Variants in ATP2B2 observed in about 807,000 individuals in gnomAD.
ATP2B2 encodes the protein plasma membrane calcium-transporting ATPase 2.
A neutral mutation model predicts 120.0 loss-of-function variants in ATP2B2; 15 were observed. The observed-to-expected ratio is 0.12, with a 90% CI of 0.08 to 0.19. The LOEUF is 0.19. ATP2B2 is among the 10% of genes least tolerant of loss of function. The probability of loss-of-function intolerance (pLI) is 1.00; values close to 1 mark genes in which losing one functional copy is unlikely to be tolerated. For missense variants in ATP2B2, 1,045 were observed against 1,719.8 expected (o/e 0.61, Z 6.94); for synonymous variants, 694 against 700.3 (o/e 0.99, Z 0.14).
At chr3:10,702,746 C>G (rs1194752511) in intron 1 of ATP2B2, among the ~76,000 whole-genome samples, 1 of 152,184 alleles carries the variant, frequency 6.6e-6, no homozygotes, top group African/African-American at 2.4e-5. Context: ...TCCCCAGAAT[C>G]CTGCCTAGAT....
chr3:10,410,913 C>A, intron 2 of ATP2B2, 98 bp from the exon 3 acceptor site: 1 of 1,442,728 alleles, frequency 6.9e-7, no homozygotes, highest in Non-Finnish European at 9.6e-7. Flanking sequence ...GAGCAAGAAA[C>A]TTGCTGGTGG....
chr3:10,403,234 G>T (rs576197773), intron 3 of ATP2B2, among the ~76,000 whole-genome samples: 13 of 152,208 alleles, frequency 8.5e-5, no homozygotes, highest in Non-Finnish European at 1.6e-4. Context: ...CTCTAACTCC[G>T]TCCTTGTCAG....
chr3:10,388,744 G>C (rs942654046), intron 5 of ATP2B2, among the ~76,000 whole-genome samples: 1 of 152,002 alleles, frequency 6.6e-6, no homozygotes, highest in Non-Finnish European at 1.5e-5. Flanking sequence ...CAAACTCCAG[G>C]AGTGTTATCA....
At chr3:10,401,182 C>T in intron 4 of ATP2B2, 104 bp from the exon 5 acceptor site, 1 of 1,476,192 alleles carries the variant, frequency 6.8e-7, no homozygotes, top group Non-Finnish European at 9.2e-7. Flanking sequence ...CCATCAGGGA[C>T]AGAATGCCTA....
intron 2 of ATP2B2, among the ~76,000 whole-genome samples, chr3:10,578,129 A>G (rs1218713114): frequency 6.6e-6 from 1 of 152,130 alleles, no homozygotes. Context: ...TCACACACCT[A>G]CCATAGTGGC....
At chr3:10,458,097 A>G (rs556988458) in intron 1 of ATP2B2, among the ~76,000 whole-genome samples, 2 of 151,816 alleles carry the variant, frequency 1.3e-5, no homozygotes, top group African/African-American at 4.9e-5. Flanking sequence ...CCGTTCGTCC[A>G]TCCTTCCATC....
intron 1 of ATP2B2, among the ~76,000 whole-genome samples, chr3:10,694,428 T>A (rs1191946212): frequency 6.6e-6 from 1 of 152,268 alleles, no homozygotes; most frequent in Non-Finnish European, 1.5e-5. Context: ...ATGTAACTTT[T>A]TAGGACTGGC....
At chr3:10,638,958 A>G (rs1252935329) in intron 1 of ATP2B2, among the ~76,000 whole-genome samples, 2 of 152,246 alleles carry the variant, frequency 1.3e-5, no homozygotes, top group East Asian at 3.8e-4. Context: ...TGCATGACGC[A>G]AATATTGATG....
chr3:10,451,974 C>G (rs1156784642), intron 1 of ATP2B2, among the ~76,000 whole-genome samples: 2 of 152,210 alleles, frequency 1.3e-5, no homozygotes, highest in Non-Finnish European at 2.9e-5. Flanking sequence ...AAGGGTTGAC[C>G]AGAAAAGCAC....
intron 17 of ATP2B2, among the ~76,000 whole-genome samples, chr3:10,345,811 T>A (rs2060414154): frequency 6.6e-6 from 1 of 152,118 alleles, no homozygotes; most frequent in South Asian, 2.1e-4. Context: ...CTCCTCAGCC[T>A]GCAAGTGCCC....
At chr3:10,432,853 A>AG (rs1201392841) in intron 2 of ATP2B2, among the ~76,000 whole-genome samples, 1 of 151,862 alleles carries the variant, frequency 6.6e-6, no homozygotes, top group African/African-American at 2.4e-5. Flanking sequence ...GGCGGTGGAG[A>AG]GGTTGCTGTT....
intron 1 of ATP2B2, among the ~76,000 whole-genome samples, chr3:10,466,075 C>T (rs991571394): frequency 6.6e-6 from 1 of 152,236 alleles, no homozygotes; most frequent in South Asian, 2.1e-4. Context: ...AAGCCCTTTA[C>T]AGCATCTCTG....
rs767788978 is a variant in ATP2B2, at chr3:10,328,772, C to A, written c.*42G>T. 16 of 1,556,634 alleles carry A rather than the reference C, an allele frequency of 1.0e-5. No homozygotes were observed. The highest frequency in any genetic ancestry group is 1.8e-5 in the Admixed American group (1 of 56,084). On this transcript the variant is annotated 3_prime_UTR_variant, in exon 23 of 23. Coordinates refer to ENST00000360273, the MANE Select transcript of ATP2B2 (RefSeq NM_001001331.4). ...TGGGTGCCCGGAAAGCGGGTGGCAG[C>A]GGGGTCCATGAGGGCGGGCGGGCAG...
At chr3:10,461,370 C>T (rs1032488424) in intron 1 of ATP2B2, among the ~76,000 whole-genome samples, 1 of 152,194 alleles carries the variant, frequency 6.6e-6, no homozygotes, top group African/African-American at 2.4e-5. Context: ...ACTGACTTGG[C>T]CTCAGATCTG....
chr3:10,396,030 T>C (rs2062024438), intron 5 of ATP2B2, among the ~76,000 whole-genome samples: 1 of 152,194 alleles, frequency 6.6e-6, no homozygotes, highest in Non-Finnish European at 1.5e-5. Context: ...GTTTTGATGA[T>C]TTCCTTGGTG....
At chr3:10,516,735 T>G (rs2066883523) in intron 3 of ATP2B2, among the ~76,000 whole-genome samples, 1 of 152,248 alleles carries the variant, frequency 6.6e-6, no homozygotes, top group Non-Finnish European at 1.5e-5. Context: ...GAAAGTGATA[T>G]TTACAGGGCT....
At position 10,359,994 on chromosome 3, in the gene ATP2B2, A is replaced by G; in HGVS notation, c.1789T>C (p.Tyr597His). Reference sequence around the variant, plus strand: ...ACGGAGTTGAAGGTGTACACTTTGTACAACTTCTCCTCTGGCATCTGGCTG... The same window carrying G: ...ACGGAGTTGAAGGTGTACACTTTGTGCAACTTCTCCTCTGGCATCTGGCTG... ...VRSQMPEEKL[Y>H]KVYTFNSVRK... is the part of the protein sequence containing the mutation. The change falls in exon 13 of 23, where the codon TAC becomes CAC. Residue 597 changes from tyrosine to histidine, a missense_variant. Coordinates refer to ENST00000360273, the MANE Select transcript of ATP2B2 (RefSeq NM_001001331.4). The G allele has an allele frequency of 6.2e-7, 1 of 1,614,232 alleles. No individual in the cohort carries two copies. Among genetic ancestry groups the G allele is most frequent in the Non-Finnish European group, 8.5e-7 (1 of 1,180,032 alleles).
At chr3:10,693,863 T>A (rs772797972) in intron 1 of ATP2B2, among the ~76,000 whole-genome samples, 2 of 152,236 alleles carry the variant, frequency 1.3e-5, no homozygotes, top group Non-Finnish European at 2.9e-5. Flanking sequence ...TGCCTTGATA[T>A]CAAATGATGT....
In ATP2B2 at chr3:10,625,907, T is replaced by C. The variant is rs2069685433; in HGVS notation, c.-459-5946A>G. On this transcript the variant is annotated intron_variant, in intron 1 of 21. Transcript: ENST00000646379. ...GGTAGGATGCAGTATCCACCCAGGATTTAATAGCATCAGCAGTCTGCCTTC... is the reference window on the plus strand; with the variant it reads ...GGTAGGATGCAGTATCCACCCAGGACTTAATAGCATCAGCAGTCTGCCTTC... 2.0e-5 allele frequency: 3 copies of C among 152,258 alleles called. No homozygotes were observed. The South Asian group carries it at 6.2e-4, about 31-fold the overall frequency. The allele number at this position is 152,258 out of a possible 1,614,324, so 9.4% of individuals were successfully genotyped here. A position where few individuals can be genotyped will look rare whatever the true frequency, so the allele number is the denominator to read the frequency against.
Sources: gnomAD v4.1 joint callset for allele counts (sites outside exome capture counted in the v4.1 genomes callset) on GRCh38, gnomAD v4.1.1 for gene constraint, MANE v1.5 for transcripts, NCBI Gene and HGNC (gene_info 2026-07-23, HGNC 2026-07-21) for gene names.